CAPN2: variants seen among roughly 807,000 people sequenced by gnomAD.
CAPN2 encodes the protein calpain-2 catalytic subunit.
CAPN2 carries 92 observed loss-of-function variants against 102.3 expected under a neutral mutation model. The observed-to-expected ratio is 0.90, with a 90% CI of 0.76 to 1.07. The LOEUF (loss-of-function observed/expected upper bound fraction) is 1.07, where lower values mean the gene tolerates loss of function less well. Among genes scored for constraint, CAPN2 ranks in the 50% least tolerant of loss-of-function variants. The probability of loss-of-function intolerance (pLI) is 0.00; values close to 1 mark genes in which losing one functional copy is unlikely to be tolerated. For missense variants in CAPN2, 800 were observed against 909.4 expected (o/e 0.88, Z 1.55); for synonymous variants, 340 against 355.4 (o/e 0.96, Z 0.49).
intron 11 of CAPN2, chr1:223,758,838 G>A (rs1432276417): frequency 6.1e-5 from 15 of 245,648 alleles, no homozygotes; most frequent in African/African-American, 9.0e-5. Flanking sequence ...GACTACAGGC[G>A]CTTGCCGCCA....
intron 16 of CAPN2, 29 bp from the exon 17 acceptor site, chr1:223,769,812 A>G (rs189283864): frequency 4.4e-6 from 7 of 1,584,654 alleles, no homozygotes; most frequent in Non-Finnish European, 5.2e-6. Flanking sequence ...ATGGACCCAC[A>G]CTCAAGGGCT....
chr1:223,720,259 C>T (rs1315404250), intron 2 of CAPN2, among the ~76,000 whole-genome samples: 5 of 151,798 alleles, frequency 3.3e-5, no homozygotes, highest in Middle Eastern at 3.2e-3. Flanking sequence ...ACTCCTCATT[C>T]CTTGTGCTAG....
chr1:223,772,101 C>A, intron 19 of CAPN2, 80 bp from the exon 20 acceptor site: 1 of 1,354,610 alleles, frequency 7.4e-7, no homozygotes, highest in South Asian at 1.2e-5. Context: ...TCAGTGAAGT[C>A]AGTTGCTGAA....
chr1:223,719,801 T>C (rs1659999488), intron 2 of CAPN2, among the ~76,000 whole-genome samples: 1 of 111,928 alleles, frequency 8.9e-6, no homozygotes, highest in Admixed American at 9.5e-5. Flanking sequence ...CTCAGGGGTG[T>C]GTGCGTGTGT....
chr1:223,770,588 C>T (rs1661448463), intron 18 of CAPN2, 63 bp downstream of exon 18: 4 of 1,041,878 alleles, frequency 3.8e-6, no homozygotes, highest in African/African-American at 1.6e-5. Flanking sequence ...TGTGAACACT[C>T]ATCTTATACC....
intron 14 of CAPN2, 29 bp from the exon 15 acceptor site, chr1:223,764,121 A>C: frequency 6.2e-7 from 1 of 1,604,404 alleles, no homozygotes; most frequent in Non-Finnish European, 8.5e-7. Context: ...CGGGGGGCCA[A>C]TAACTATGCT....
chr1:223,762,271 ATGT>A lies in CAPN2; in HGVS notation c.1632+22_1632+24del. ...GGAGAGGTAAATGTTCCCAAAAACG[ATGT>A]TATGCACTCTGGTTGATGCAAAGGA... On this transcript the variant is annotated intron_variant, in intron 14 of 20. Transcript: ENST00000295006. 1 of 1,589,090 alleles carries A rather than the reference ATGT, an allele frequency of 6.3e-7. No individual in the cohort carries two copies. The highest frequency in any genetic ancestry group is 8.6e-7 in the Non-Finnish European group (1 of 1,157,240).
In CAPN2 at chr1:223,751,182, C is replaced by A. The variant is rs1422890769; in HGVS notation, c.899+207C>A. ...CCTCCAGCAGCCTGAGTGCCTTCTTCCAGGCCCCAAGCTGCTCGTGTGAAG... is the reference window on the plus strand; with the variant it reads ...CCTCCAGCAGCCTGAGTGCCTTCTTACAGGCCCCAAGCTGCTCGTGTGAAG... On this transcript the variant is annotated intron_variant, in intron 7 of 20. Coordinates refer to ENST00000295006, the MANE Select transcript of CAPN2 (RefSeq NM_001748.5). Among the ~76,000 whole-genome samples the A allele has an allele frequency of 4.6e-5, 7 of 152,308 alleles. No individual in the cohort carries two copies. In the East Asian group the frequency reaches 1.4e-3, roughly 29 times the overall value.
chr1:223,724,206 C>A (rs745425024), intron 2 of CAPN2, among the ~76,000 whole-genome samples: 14 of 152,218 alleles, frequency 9.2e-5, no homozygotes, highest in Non-Finnish European at 1.6e-4. Context: ...GGAATTATAT[C>A]TCCACCTTGT....
intron 4 of CAPN2, among the ~76,000 whole-genome samples, chr1:223,745,643 T>C (rs1413940907): frequency 6.6e-6 from 1 of 152,242 alleles, no homozygotes; most frequent in Non-Finnish European, 1.5e-5. Flanking sequence ...ACTCCAGGAC[T>C]ACTTTGAGTG....
chr1:223,771,784 A>AGTT, intron 18 of CAPN2, 25 bp from the exon 19 acceptor site: 1 of 1,378,700 alleles, frequency 7.3e-7, no homozygotes, highest in Non-Finnish European at 1.0e-6. Context: ...CTTAGCAATG[A>AGTT]GTTTGTTTGT....
chr1:223,748,690 T>G (rs1660811522), intron 5 of CAPN2, among the ~76,000 whole-genome samples: 2 of 148,614 alleles, frequency 1.3e-5, no homozygotes, highest in Non-Finnish European at 2.9e-5. Context: ...GCCCTTTCCC[T>G]GCGCCATCGA....
At chr1:223,745,199 G>A in intron 3 of CAPN2, 107 bp from the exon 4 acceptor site, 1 of 1,468,776 alleles carries the variant, frequency 6.8e-7, no homozygotes, top group South Asian at 1.2e-5. Flanking sequence ...ATGCGCTCAT[G>A]GAACCTATCC....
At chr1:223,705,976 C>T (rs1659595845) in intron 1 of CAPN2, among the ~76,000 whole-genome samples, 1 of 152,148 alleles carries the variant, frequency 6.6e-6, no homozygotes, top group African/African-American at 2.4e-5. Context: ...TGCCAGACCC[C>T]ACACTTATAA....
At chr1:223,746,888 AG>A in intron 4 of CAPN2, 108 bp from the exon 5 acceptor site, 1 of 914,662 alleles carries the variant, frequency 1.1e-6, no homozygotes, top group East Asian at 2.7e-5. Flanking sequence ...GAATGTGAGC[AG>A]GGGGTCCCTG....
chr1:223,710,698 C>T (rs1023628516), upstream of CAPN2, among the ~76,000 whole-genome samples: 1 of 152,198 alleles, frequency 6.6e-6, no homozygotes, highest in African/African-American at 2.4e-5. Context: ...TCCACAACCT[C>T]TTATCGCAAC....
intron 2 of CAPN2, among the ~76,000 whole-genome samples, chr1:223,739,186 T>TTC (rs1030953157): frequency 2.7e-5 from 4 of 150,040 alleles, no homozygotes; most frequent in African/African-American, 9.8e-5. Context: ...AAACAGATTT[T>TTC]TTTTTTTTTT....
At chr1:223,769,244 CCTAGTAG>C (rs1388327238) in intron 16 of CAPN2, among the ~76,000 whole-genome samples, 13 of 152,280 alleles carry the variant, frequency 8.5e-5, no homozygotes, top group African/African-American at 3.1e-4. Flanking sequence ...CTCCAGCCTC[CCTAGTAG>C]CTAGGACTAC....
At chr1:223,712,925 G>A in intron 1 of CAPN2, 48 bp downstream of exon 1, 1 of 1,386,944 alleles carries the variant, frequency 7.2e-7, no homozygotes, top group Non-Finnish European at 9.5e-7. Context: ...GCCGGGCAGG[G>A]CGGGGTGCAG....
Sources: allele counts gnomAD v4.1 joint callset (sites outside exome capture counted in the v4.1 genomes callset), GRCh38; gene constraint gnomAD v4.1.1; transcripts MANE v1.5; gene names NCBI Gene and HGNC (gene_info 2026-07-23, HGNC 2026-07-21).